Variants in ZFYVE9 observed in about 807,000 individuals in gnomAD.
ZFYVE9 encodes the protein zinc finger FYVE-type containing 9, also known as zinc finger FYVE domain-containing protein 9.
In ZFYVE9, 43 loss-of-function variants were observed where a neutral mutation model predicts 126.7. The observed-to-expected ratio is 0.34, with a 90% confidence interval of 0.27 to 0.44. The LOEUF is 0.44. ZFYVE9 is among the 20% of genes least tolerant of loss of function. The probability of loss-of-function intolerance (pLI) is 1.00; values close to 1 mark genes in which losing one functional copy is unlikely to be tolerated. For missense variants in ZFYVE9, 1,476 were observed against 1,697.0 expected (o/e 0.87, Z 2.29); for synonymous variants, 521 against 597.4 (o/e 0.87, Z 1.87).
rs1644357780 is a variant in ZFYVE9 at position 52,151,656 on chromosome 1, C to T, written c.-143+9253C>T. ...TCAGCCTCCCGAGTAGCTGGGACTA[C>T]AGGCACCCACCACTACACCTGGCTA... On this transcript the variant is annotated intron_variant, in intron 1 of 18. Coordinates refer to ENST00000287727, the MANE Select transcript of ZFYVE9 (RefSeq NM_004799.4). Among the ~76,000 whole-genome samples the T allele has an allele frequency of 2.0e-5, 3 of 151,900 alleles. No individual in the cohort carries two copies. In the South Asian group the frequency reaches 6.2e-4, roughly 32 times the overall value.
At chr1:52,266,599 C>G (rs907058834) in intron 5 of ZFYVE9, 56 bp from the exon 6 acceptor site, 7 of 1,454,338 alleles carry the variant, frequency 4.8e-6, no homozygotes, top group Non-Finnish European at 6.4e-6. Flanking sequence ...TTGTGGAGGT[C>G]TTGATGTCCA....
At position 52,237,469 on chromosome 1, in the gene ZFYVE9, ATTAC is replaced by A. The variant is rs530842525; in HGVS notation, c.71-15_71-12del. On this transcript the variant is annotated splice_polypyrimidine_tract_variant and intron_variant, in intron 3 of 18. Transcript: ENST00000287727. ...CAGTGTTACAAGCAAACTTATTGTA[ATTAC>A]TTATTTTTTTCCAGATGAAACAGTT... is the stretch of plus-strand genomic sequence containing the variant. 4,314 of 1,572,326 alleles carry A rather than the reference ATTAC, an allele frequency of 2.7e-3. 15 individuals are homozygous for A. The highest frequency in any genetic ancestry group is 3.4e-3 in the Non-Finnish European group (3,965 of 1,156,574).
rs574936222 is a variant in ZFYVE9, at chr1:52,216,231, T to C, written c.-142-138T>C. ...GTTGCTACCTTGTATGCAAGCCAGG[T>C]CTTTGAATCCAAAGGTATAATTTTA... is the stretch of plus-strand genomic sequence containing the variant. On this transcript the variant is annotated intron_variant, in intron 1 of 18. Coordinates refer to ENST00000287727, the MANE Select transcript of ZFYVE9 (RefSeq NM_004799.4). 572 of 395,552 alleles carry C rather than the reference T, an allele frequency of 1.4e-3. 4 individuals are homozygous for C. Among genetic ancestry groups the C allele is most frequent in the African/African-American group, 0.011 (520 of 48,714 alleles). The allele number at this position is 395,552 out of a possible 1,614,324, so 24.5% of individuals were successfully genotyped here. A position where few individuals can be genotyped will look rare whatever the true frequency, so the allele number is the denominator to read the frequency against.
intron 4 of ZFYVE9, chr1:52,253,535 G>A: frequency 1.4e-6 from 1 of 701,758 alleles, no homozygotes; most frequent in Non-Finnish European, 2.5e-6. Flanking sequence ...AACCCAGGCT[G>A]TCCTAGGAAG....
intron 4 of ZFYVE9, among the ~76,000 whole-genome samples, chr1:52,245,163 CAA>C (rs879854058): frequency 1.7e-5 from 2 of 114,930 alleles, no homozygotes. Context: ...GACTCTGTCT[CAA>C]AAAAAAAAAA....
chr1:52,152,330 C>T (rs1006976441), intron 1 of ZFYVE9, among the ~76,000 whole-genome samples: 2 of 152,002 alleles, frequency 1.3e-5, no homozygotes, highest in East Asian at 1.9e-4. Context: ...CCCTTTTTTC[C>T]ACGTAGGCCT....
intron 13 of ZFYVE9, among the ~76,000 whole-genome samples, chr1:52,323,478 A>G (rs1646260359): frequency 6.6e-6 from 1 of 152,218 alleles, no homozygotes; most frequent in Non-Finnish European, 1.5e-5. Context: ...CTTGTCTACT[A>G]CTGAATAAAG....
intron 12 of ZFYVE9, among the ~76,000 whole-genome samples, chr1:52,301,380 C>T (rs1237887300): frequency 6.9e-6 from 1 of 144,644 alleles, no homozygotes; most frequent in Non-Finnish European, 1.5e-5. Context: ...CGGCTCACTG[C>T]ACCCTTGACC....
chr1:52,247,532 C>T (rs954516894), intron 4 of ZFYVE9, among the ~76,000 whole-genome samples: 33 of 151,442 alleles, frequency 2.2e-4, no homozygotes, highest in Admixed American at 1.7e-3. Context: ...AGTCTCGCTT[C>T]GTTGCCCAGG....
chr1:52,265,375 C>T (rs1473654751), intron 5 of ZFYVE9, among the ~76,000 whole-genome samples: 1 of 152,124 alleles, frequency 6.6e-6, no homozygotes, highest in East Asian at 1.9e-4. Flanking sequence ...AATAAATATT[C>T]AAAATCCTAT....
chr1:52,207,681 G>A (rs776742434), intron 1 of ZFYVE9, among the ~76,000 whole-genome samples: 13 of 152,058 alleles, frequency 8.5e-5, no homozygotes, highest in Non-Finnish European at 1.5e-4. Context: ...TTACTTTTTC[G>A]TTCCTAGTTT....
At chr1:52,148,083 A>G (rs1402251212) in intron 1 of ZFYVE9, among the ~76,000 whole-genome samples, 2 of 152,048 alleles carry the variant, frequency 1.3e-5, no homozygotes, top group East Asian at 3.9e-4. Flanking sequence ...CTCCTGGTTA[A>G]TAACTTTTAT....
At chr1:52,233,107 A>T in intron 2 of ZFYVE9, 64 bp from the exon 3 acceptor site, 1 of 693,248 alleles carries the variant, frequency 1.4e-6, no homozygotes, top group Non-Finnish European at 2.1e-6. Flanking sequence ...ATCCTTGTGT[A>T]TATACTTAAG....
intron 1 of ZFYVE9, among the ~76,000 whole-genome samples, chr1:52,155,087 C>T (rs1354891329): frequency 1.3e-5 from 2 of 152,076 alleles, no homozygotes; most frequent in Non-Finnish European, 2.9e-5. Context: ...TAATGGATTG[C>T]TGCTATGCTC....
chr1:52,343,271 C>A (rs1367617136), intron 17 of ZFYVE9, among the ~76,000 whole-genome samples: 1 of 151,766 alleles, frequency 6.6e-6, no homozygotes, highest in Non-Finnish European at 1.5e-5. Context: ...CATGGTGAAA[C>A]CCCATCTCTA....
chr1:52,330,951 C>G (rs887881858), intron 13 of ZFYVE9, among the ~76,000 whole-genome samples: 8 of 152,164 alleles, frequency 5.3e-5, no homozygotes, highest in Non-Finnish European at 1.0e-4. Flanking sequence ...ACTGCAGCCT[C>G]CACCTGTTGG....
chr1:52,249,275 A>G lies in ZFYVE9; in HGVS notation c.2178+9680A>G, dbSNP rs1235455978. Among the ~76,000 whole-genome samples the G allele has an allele frequency of 5.3e-5, 8 of 152,192 alleles. No homozygotes were observed. In the East Asian group the frequency reaches 5.8e-4, roughly 11 times the overall value. ...CAGTCTCCAGTAGTTCTTCATAACA[A>G]TGTGAAAACAGACTAATACACTTGT... is the stretch of plus-strand genomic sequence containing the variant. On this transcript the variant is annotated intron_variant, in intron 4 of 18. Transcript: ENST00000287727.
At position 52,346,433 on chromosome 1, in the gene ZFYVE9, C is replaced by A; in HGVS notation, c.*212C>A. On this transcript the variant is annotated 3_prime_UTR_variant, in exon 19 of 19. Coordinates refer to ENST00000287727, the MANE Select transcript of ZFYVE9 (RefSeq NM_004799.4). ...TCTAAGTCTTCTATGCATTGTCCAC[C>A]AAGAAGATCTGGGCAGCTTCTGTTC... 2 of 493,810 alleles carry A rather than the reference C, an allele frequency of 4.1e-6. No homozygotes were observed. The highest frequency in any genetic ancestry group is 6.9e-6 in the Non-Finnish European group (2 of 287,918). 30.6% of individuals were successfully genotyped at this position (493,810 alleles called of 1,614,324 possible). A position where few individuals can be genotyped will look rare whatever the true frequency, so the allele number is the denominator to read the frequency against.
At chr1:52,183,179 G>C (rs1379502610) in intron 1 of ZFYVE9, among the ~76,000 whole-genome samples, 1 of 152,164 alleles carries the variant, frequency 6.6e-6, no homozygotes, top group African/African-American at 2.4e-5. Context: ...AAGATGTTGA[G>C]GATGTTTACA....
Sources: allele counts gnomAD v4.1 joint callset (sites outside exome capture counted in the v4.1 genomes callset), GRCh38; gene constraint gnomAD v4.1.1; transcripts MANE v1.5; gene names NCBI Gene and HGNC (gene_info 2026-07-23, HGNC 2026-07-21).